The following TSPEAR variants were observed in gnomAD, a reference collection of about 807,000 sequenced individuals.
TSPEAR encodes the protein thrombospondin-type laminin G domain and EAR repeat-containing protein.
In TSPEAR, 69 loss-of-function variants were observed where a neutral mutation model predicts 71.6. That is an observed-to-expected ratio of 0.96 (90% CI 0.79 to 1.18). The LOEUF is 1.18. TSPEAR is among the 50% of genes most tolerant of loss of function. The pLI, the probability that TSPEAR is intolerant of heterozygous loss-of-function variation, is 0.00. For synonymous variants in TSPEAR, 402 were observed against 387.2 expected, an observed-to-expected ratio of 1.04 and a Z score of -0.45; for missense variants, 971 against 894.9, an observed-to-expected ratio of 1.09 and a Z score of -1.09.
intron 9 of TSPEAR, chr21:44,519,027 GTTGT>G (rs2052673590): frequency 1.7e-5 from 3 of 175,562 alleles, no homozygotes; most frequent in East Asian, 3.3e-4. Context: ...ATTTGCTTTT[GTTGT>G]TTTTTTTTTG....
intron 2 of TSPEAR, among the ~76,000 whole-genome samples, chr21:44,556,372 C>T (rs1477484122): frequency 6.7e-6 from 1 of 149,448 alleles, no homozygotes; most frequent in Non-Finnish European, 1.5e-5. Flanking sequence ...GATACCCGCT[C>T]TCAAAAAAAA....
chr21:44,505,567 TCCCCC>T (rs1270275295), intron 10 of TSPEAR, among the ~76,000 whole-genome samples: 10 of 8,502 alleles, frequency 1.2e-3, no homozygotes, highest in Non-Finnish European at 4.1e-3. Flanking sequence ...CCCTCCCCCC[TCCCCC>T]CCCCCCCCCC....
intron 1 of TSPEAR, chr21:44,592,606 A>G: frequency 1.4e-6 from 2 of 1,445,812 alleles, no homozygotes; most frequent in Admixed American, 5.0e-5. Context: ...TGTTGCCGAG[A>G]GCTGGAGTCT....
Position 44,697,987 on chromosome 21 carries a change from AG to A in TSPEAR, c.82+13445del, listed in dbSNP as rs782764662. On this transcript the variant is annotated intron_variant, in intron 1 of 11. Transcript: ENST00000323084. ...CCAGCTGCTGCCAGGCATGTCCCCCAGGGCCACTGGGCACTATGAGTCCCCC... is the reference window on the plus strand; with the variant it reads ...CCAGCTGCTGCCAGGCATGTCCCCCAGGCCACTGGGCACTATGAGTCCCCC... The A allele has an allele frequency of 1.9e-6, 3 of 1,577,190 alleles. No homozygotes were observed. In the African/African-American group the frequency reaches 4.0e-5, roughly 21 times the overall value.
chr21:44,614,005 G>A (rs947646368), intron 1 of TSPEAR, among the ~76,000 whole-genome samples: 7 of 151,622 alleles, frequency 4.6e-5, no homozygotes, highest in African/African-American at 9.8e-5. Context: ...CCTGCCCAGC[G>A]GCATAGGGAC....
intron 1 of TSPEAR, among the ~76,000 whole-genome samples, chr21:44,680,680 T>C (rs587753875): frequency 6.6e-6 from 1 of 152,342 alleles, no homozygotes; most frequent in East Asian, 1.9e-4. Context: ...AACTGTGGTA[T>C]ATATTTACAA....
intron 10 of TSPEAR, 108 bp downstream of exon 10, chr21:44,509,066 ATTCTTTCCACAGGAAGGTCCCCAGG>A: frequency 7.2e-7 from 1 of 1,383,904 alleles, no homozygotes; most frequent in Non-Finnish European, 9.9e-7. Context: ...TCCCCAGGCC[ATTCTTTCCACAGGAAGGTCCCCAGG>A]CCAGTCTTTC....
At position 44,660,849 on chromosome 21, in the gene TSPEAR, C is replaced by T. The variant is rs182075796; in HGVS notation, c.82+50584G>A. On this transcript the variant is annotated intron_variant, in intron 1 of 11. Transcript: ENST00000323084. ...AGGCATGGTGGTGGGCCCCTGTAAT[C>T]CCAGCTACTCAGGAGGCTGAGGCAG... Among the ~76,000 whole-genome samples, 961 of 152,216 alleles carry T rather than the reference C, an allele frequency of 6.3e-3. 4 individuals are homozygous for T. The highest frequency in any genetic ancestry group is 0.01 in the Non-Finnish European group (700 of 68,030).
intron 8 of TSPEAR, among the ~76,000 whole-genome samples, chr21:44,525,428 T>G (rs1390296075): frequency 6.6e-6 from 1 of 152,180 alleles, no homozygotes; most frequent in Non-Finnish European, 1.5e-5. Context: ...TGGGAGTCAG[T>G]CTGGCAGTCC....
intron 1 of TSPEAR, among the ~76,000 whole-genome samples, chr21:44,663,703 T>A (rs954261965): frequency 6.6e-6 from 1 of 152,026 alleles, no homozygotes; most frequent in African/African-American, 2.4e-5. Context: ...TGAATATAGA[T>A]GCAAAATTCT....
At chr21:44,526,024 A>G in intron 7 of TSPEAR, 185 bp from the exon 8 acceptor site, 1 of 560,986 alleles carries the variant, frequency 1.8e-6, no homozygotes, top group Non-Finnish European at 3.2e-6. Flanking sequence ...GCCGGTCATT[A>G]CATTCATCAA....
intron 2 of TSPEAR, among the ~76,000 whole-genome samples, chr21:44,547,447 A>G (rs12329729): frequency 0.038 from 5,747 of 152,076 alleles, 341 homozygotes; most frequent in African/African-American, 0.13. Flanking sequence ...ATTTCTTCCC[A>G]CTTTGTCTGG....
At chr21:44,582,769 C>A (rs1979070989) in intron 1 of TSPEAR, among the ~76,000 whole-genome samples, 2 of 152,198 alleles carry the variant, frequency 1.3e-5, no homozygotes, top group Non-Finnish European at 2.9e-5. Flanking sequence ...TTTCCACGGA[C>A]AATTGAATGA....
At chr21:44,508,869 C>T (rs368199823) in intron 10 of TSPEAR, 16 of 1,430,144 alleles carry the variant, frequency 1.1e-5, no homozygotes, top group African/African-American at 2.8e-5. Context: ...GGGGCCTCGG[C>T]TATCCCTCCG....
Position 44,710,533 on chromosome 21 carries a change from G to A in TSPEAR, c.82+900C>T, listed in dbSNP as rs1469458614. Reference sequence around the variant, plus strand: ...CCATCCGAGCAGAGAGCTGTGGCCCGGTGCCGGGGGTGGACTTCATCTATT... The same window carrying A: ...CCATCCGAGCAGAGAGCTGTGGCCCAGTGCCGGGGGTGGACTTCATCTATT... On this transcript the variant is annotated intron_variant, in intron 1 of 11. Coordinates refer to ENST00000323084, the MANE Select transcript of TSPEAR (RefSeq NM_144991.3). The surrounding 1 kb of genome is among the most constrained non-coding windows in gnomAD (Gnocchi z 4.6). 1.3e-5 allele frequency among the ~76,000 whole-genome samples: 2 copies of A among 151,284 alleles called. No homozygotes were observed.
intron 1 of TSPEAR, chr21:44,591,407 C>T (rs1455591019): frequency 6.2e-7 from 1 of 1,610,400 alleles, no homozygotes; most frequent in East Asian, 2.2e-5. Flanking sequence ...GACTTCTGGC[C>T]AGAGCAGAGG....
At chr21:44,676,151 G>A in intron 1 of TSPEAR, 1 of 983,942 alleles carries the variant, frequency 1.0e-6, no homozygotes, top group South Asian at 1.3e-5. Context: ...AGCAGGGACT[G>A]CAGGTAGGAG....
At chr21:44,656,363 A>G (rs1985147364) in intron 1 of TSPEAR, among the ~76,000 whole-genome samples, 1 of 152,230 alleles carries the variant, frequency 6.6e-6, no homozygotes. Flanking sequence ...GCACATCTGC[A>G]GGGGAGGATT....
At chr21:44,694,495 G>A (rs960285176) in intron 1 of TSPEAR, among the ~76,000 whole-genome samples, 2 of 152,178 alleles carry the variant, frequency 1.3e-5, no homozygotes, top group African/African-American at 4.8e-5. Context: ...AACAGTGGTG[G>A]TGGTTGCACA....
Sources: gnomAD v4.1 joint callset for allele counts (sites outside exome capture counted in the v4.1 genomes callset) on GRCh38, gnomAD v4.1.1 for gene constraint, Gnocchi (gnomAD v3.1) non-coding constraint, MANE v1.5 for transcripts, NCBI Gene and HGNC (gene_info 2026-07-23, HGNC 2026-07-21) for gene names.